Variants in SEMA4F observed in about 807,000 individuals in gnomAD.
The protein encoded by SEMA4F is semaphorin-4F.
SEMA4F carries 51 observed loss-of-function variants against 78.4 expected under a neutral mutation model. That is an observed-to-expected ratio of 0.65 (90% CI 0.52 to 0.82). SEMA4F has a LOEUF of 0.82. Among genes scored for constraint, SEMA4F ranks in the 40% least tolerant of loss-of-function variants. SEMA4F has a pLI of 0.00. For synonymous variants in SEMA4F, 418 were observed against 408.7 expected (o/e 1.02, Z -0.27); for missense variants, 938 against 1,014.4 (o/e 0.92, Z 1.02).
At chr2:74,697,801 C>T in the SEMA4F span, among the ~76,000 whole-genome samples, 2 of 152,172 alleles carry the variant, frequency 1.3e-5, no homozygotes, top group Non-Finnish European at 2.9e-5. Flanking sequence ...CATTCATCTT[C>T]GTACCTGGAA....
chr2:74,663,671 T>A (rs1684538447), intron 5 of SEMA4F, among the ~76,000 whole-genome samples: 1 of 152,114 alleles, frequency 6.6e-6, no homozygotes, highest in Non-Finnish European at 1.5e-5. Context: ...GGTGCTTTTT[T>A]AAACAGATCT....
rs554410646 is a variant in SEMA4F at position 74,679,424 on chromosome 2, T to C, written c.1702+90T>C. ...GTTCATTTTGGAACGATTCTAAACCTTGGATCCTGGAAGATGTGGCAGCCA... is the reference window on the plus strand; with the variant it reads ...GTTCATTTTGGAACGATTCTAAACCCTGGATCCTGGAAGATGTGGCAGCCA... On this transcript the variant is annotated intron_variant, in intron 13 of 13. Transcript: ENST00000357877. 1.0e-4 allele frequency: 152 copies of C among 1,481,160 alleles called. 1 individual carries two copies. The highest frequency in any genetic ancestry group is 9.5e-5 in the Non-Finnish European group (101 of 1,062,114). 91.8% of individuals were successfully genotyped at this position (1,481,160 alleles called of 1,614,324 possible). A position where few individuals can be genotyped will look rare whatever the true frequency, so the allele number is the denominator to read the frequency against.
At chr2:74,705,555 A>T in the SEMA4F span, among the ~76,000 whole-genome samples, 2 of 152,254 alleles carry the variant, frequency 1.3e-5, no homozygotes, top group African/African-American at 4.8e-5. Flanking sequence ...ACAGTATTTT[A>T]CAATGAGTAT....
rs762550673 is a variant in SEMA4F, at chr2:74,674,533, A to G, written c.858A>G (p.Arg286=). The G allele has an allele frequency of 8.1e-6, 13 of 1,613,890 alleles. No individual in the cohort carries two copies. The highest frequency in any genetic ancestry group is 1.3e-5 in the African/African-American group (1 of 74,890). ...DLGGRKTLQQ[R]WTTFLKADLL... ...GGGGCCGGAAGACCCTCCAGCAGAG[A>G]TGGACGACGTTTTTGAAAGCTGACC... The change falls in exon 8 of 14, where the codon AGA becomes AGG. Residue 286 remains arginine (R), a synonymous_variant. Coordinates refer to ENST00000357877, the MANE Select transcript of SEMA4F (RefSeq NM_004263.5).
Position 74,675,517 on chromosome 2 carries a change from TC to T in SEMA4F, c.1373-4del. 2.5e-6 allele frequency: 4 copies of T among 1,612,704 alleles called. No individual in the cohort carries two copies. The highest frequency in any genetic ancestry group is 3.4e-6 in the Non-Finnish European group (4 of 1,178,728). On this transcript the variant is annotated splice_region_variant and splice_polypyrimidine_tract_variant and intron_variant, in intron 10 of 13. Coordinates refer to ENST00000357877, the MANE Select transcript of SEMA4F (RefSeq NM_004263.5). Reference sequence around the variant, plus strand: ...TGTAATTATTCTTGTTCCTTTCCTGTCCCCTAGAGGATGGACACCTCCACCG... The same window carrying T: ...TGTAATTATTCTTGTTCCTTTCCTGTCCCTAGAGGATGGACACCTCCACCG...
chr2:74,679,236 A>G (rs773010038), intron 12 of SEMA4F, 40 bp from the exon 13 acceptor site: 1 of 1,448,914 alleles, frequency 6.9e-7, no homozygotes, highest in South Asian at 1.1e-5. Context: ...GTTGAAGGGA[A>G]TGTTCACACT....
chr2:74,700,538 A>G, the SEMA4F span, among the ~76,000 whole-genome samples: 4 of 152,140 alleles, frequency 2.6e-5, no homozygotes, highest in Non-Finnish European at 4.4e-5. Flanking sequence ...TTGTTGTCCA[A>G]ACTCTTCTCT....
chr2:74,683,122 CTTA>C lies in SEMA4F; in HGVS notation c.*2918_*2920del, dbSNP rs1171175488. 1 of 152,160 alleles carries C rather than the reference CTTA, an allele frequency of 6.6e-6. No individual in the cohort carries two copies. The highest frequency in any genetic ancestry group is 1.5e-5 in the Non-Finnish European group (1 of 68,074). 9.4% of individuals were successfully genotyped at this position (152,160 alleles called of 1,614,324 possible). ...GACAGTCATTTCTGTGTCTATGTGT[CTTA>C]TTATACCTTATTAAAACAAACCTGG... On this transcript the variant is annotated 3_prime_UTR_variant, in exon 14 of 14. Coordinates refer to ENST00000357877, the MANE Select transcript of SEMA4F (RefSeq NM_004263.5).
In SEMA4F at chr2:74,656,032, G is replaced by A. The variant is rs374856214; in HGVS notation, c.146-502G>A. Among the ~76,000 whole-genome samples, 20 of 150,118 alleles carry A rather than the reference G, an allele frequency of 1.3e-4. No individual in the cohort carries two copies. The East Asian group carries it at 3.5e-3, about 26-fold the overall frequency. On this transcript the variant is annotated intron_variant, in intron 1 of 13. Transcript: ENST00000357877. ...TTTAGATTTTTTTTTTTTTTGAAGC[G>A]GAGTCTTGCTCTGTCACCCAGGCTG...
intron 12 of SEMA4F, among the ~76,000 whole-genome samples, chr2:74,678,163 TA>T (rs1294264399): frequency 1.3e-5 from 2 of 152,228 alleles, no homozygotes; most frequent in African/African-American, 4.8e-5. Flanking sequence ...TTTATTGTTT[TA>T]ATTTCCATTA....
the SEMA4F span, among the ~76,000 whole-genome samples, chr2:74,700,493 T>G: frequency 6.6e-6 from 1 of 152,302 alleles, no homozygotes; most frequent in South Asian, 2.1e-4. Flanking sequence ...GTTTATTATC[T>G]TCAGCCTCGC....
chr2:74,654,508 G>A lies in SEMA4F; in HGVS notation c.132G>A (p.Ser44=). The A allele has an allele frequency of 6.4e-7, 1 of 1,568,662 alleles. No homozygotes were observed. Among genetic ancestry groups the A allele is most frequent in the Middle Eastern group, 1.8e-4 (1 of 5,646 alleles). Residue 44 remains serine, a synonymous_variant, in exon 1 of 14, where the codon TCG becomes TCA. Transcript: ENST00000357877. ...GRVPRSVPRT[S]LPISEADSCL... ...TCCCCCGCTCGGTGCCCAGAACCTC[G>A]CTTCCAATCTCTGGTAAGGCGCGGA...
chr2:74,664,565 A>G (rs1422475557), intron 5 of SEMA4F, among the ~76,000 whole-genome samples: 2 of 152,222 alleles, frequency 1.3e-5, no homozygotes, highest in African/African-American at 2.4e-5. Context: ...TAGAAAGGGT[A>G]TACCAATTTA....
chr2:74,665,580 T>TA (rs1041270038), intron 5 of SEMA4F, among the ~76,000 whole-genome samples: 2 of 151,878 alleles, frequency 1.3e-5, no homozygotes, highest in Admixed American at 6.6e-5. Flanking sequence ...TTCTGAAAAA[T>TA]AAAAAAAAGT....
rs916371622 is a variant in SEMA4F at position 74,679,812 on chromosome 2, TAGC to T, written c.1920_1922del (p.Ala641del). 7.4e-6 allele frequency: 12 copies of T among 1,614,020 alleles called. No homozygotes were observed. Among genetic ancestry groups the T allele is most frequent in the Non-Finnish European group, 9.3e-6 (11 of 1,180,016 alleles). ...CAGGAGGGTGGGGCAGCCCATGTGG[TAGC>T]AGCTTACAGCTTGGTATGGGGCAGC... is the stretch of plus-strand genomic sequence containing the variant. On this transcript the variant is annotated inframe_deletion, in exon 14 of 14. Transcript: ENST00000357877.
At chr2:74,698,980 C>A in the SEMA4F span, among the ~76,000 whole-genome samples, 1 of 150,772 alleles carries the variant, frequency 6.6e-6, no homozygotes. Context: ...TTTTTTTTTT[C>A]TTTTTTTTCT....
At chr2:74,665,222 C>CTT (rs1573237863) in intron 5 of SEMA4F, among the ~76,000 whole-genome samples, 1 of 145,648 alleles carries the variant, frequency 6.9e-6, no homozygotes. Flanking sequence ...TTAAATCACT[C>CTT]TTTTTCTTTT....
intron 7 of SEMA4F, among the ~76,000 whole-genome samples, chr2:74,674,276 C>T (rs535338091): frequency 6.6e-6 from 1 of 152,294 alleles, no homozygotes; most frequent in East Asian, 1.9e-4. Flanking sequence ...TATAAGGGCA[C>T]AGTTAACTTA....
At chr2:74,696,866 A>G in the SEMA4F span, among the ~76,000 whole-genome samples, 3 of 152,246 alleles carry the variant, frequency 2.0e-5, no homozygotes, top group African/African-American at 7.2e-5. Context: ...ATTGTGTTGT[A>G]AGGCTGAATC....
Sources: gnomAD v4.1 joint callset for allele counts (sites outside exome capture counted in the v4.1 genomes callset) on GRCh38, gnomAD v4.1.1 for gene constraint, MANE v1.5 for transcripts, NCBI Gene and HGNC (gene_info 2026-07-23, HGNC 2026-07-21) for gene names.